BDP1: variants seen among roughly 807,000 people sequenced by gnomAD.
BDP1 encodes BDP1 general transcription factor IIIB subunit, also known as transcription factor TFIIIB component B'' homolog.
BDP1 carries 169 observed loss-of-function variants against 266.6 expected under a neutral mutation model. That is an observed-to-expected ratio of 0.63 (90% CI 0.56 to 0.72). BDP1 has a LOEUF of 0.72. BDP1 is among the 30% of genes least tolerant of loss of function. The pLI is 0.00. For missense variants in BDP1, 3,015 were observed against 3,053.8 expected (o/e 0.99, Z 0.30); for synonymous variants, 1,090 against 1,022.4 (o/e 1.07, Z -1.26).
intron 35 of BDP1, among the ~76,000 whole-genome samples, chr5:71,555,947 A>G (rs1743189934): frequency 6.6e-6 from 1 of 151,950 alleles, no homozygotes; most frequent in Non-Finnish European, 1.5e-5. Context: ...AGATTAACTT[A>G]GGGGAAATTG....
intron 16 of BDP1, among the ~76,000 whole-genome samples, chr5:71,506,824 C>CACACACACACA (rs1764615685): frequency 1.5e-5 from 1 of 65,680 alleles, no homozygotes. Context: ...CACACACACA[C>CACACACACACA]CCATATTTTT....
chr5:71,476,373 G>A lies in BDP1; in HGVS notation c.1014+5884G>A, dbSNP rs371967514. The A allele has an allele frequency of 9.8e-5, 15 of 152,318 alleles. 1 individual carries two copies. Among genetic ancestry groups the A allele is most frequent in the African/African-American group, 3.6e-4 (15 of 41,584 alleles). The allele number at this position is 152,318 out of a possible 1,614,324, so 9.4% of individuals were successfully genotyped here. On this transcript the variant is annotated intron_variant, in intron 7 of 38. Coordinates refer to ENST00000358731, the MANE Select transcript of BDP1 (RefSeq NM_018429.3). ...AGGGATACAGATGAAGAGATTCATA[G>A]AGTACGGTCTGGAAGGGTCTTGAAT...
Position 71,512,361 on chromosome 5 carries a change from G to GATAAAACAGAAGTCC in BDP1, c.4182_4196dup (p.Val1398_Gln1399insHisLysThrGluVal). 6.3e-7 allele frequency: 1 copy of GATAAAACAGAAGTCC among 1,596,064 alleles called. No individual in the cohort carries two copies. The highest frequency in any genetic ancestry group is 1.2e-5 in the South Asian group (1 of 86,818). On this transcript the variant is annotated inframe_insertion, in exon 18 of 39. Coordinates refer to ENST00000358731, the MANE Select transcript of BDP1 (RefSeq NM_018429.3). The stretch of plus-strand genomic sequence containing the variant: ...GATTTCTTCACAGACTCATGAATCT[G>GATAAAACAGAAGTCC]ATAAAACAGAAGTCCAGGGGATTCA...
intron 6 of BDP1, among the ~76,000 whole-genome samples, 154 bp from the exon 7 acceptor site, chr5:71,470,241 T>C (rs1351698998): frequency 1.3e-5 from 2 of 152,226 alleles, no homozygotes; most frequent in Non-Finnish European, 2.9e-5. Flanking sequence ...CGATTTCTTA[T>C]ACTGAAAAGT....
chr5:71,523,750 A>T (rs1422772220), intron 24 of BDP1, among the ~76,000 whole-genome samples, 189 bp from the exon 25 acceptor site: 1 of 152,232 alleles, frequency 6.6e-6, no homozygotes, highest in African/African-American at 2.4e-5. Context: ...GATAACTAAG[A>T]ATTAACTCTG....
rs1329171648 is a variant in BDP1, at chr5:71,553,226, G to C, written c.7106G>C (p.Arg2369Thr). The change falls in exon 35 of 39, where the codon AGA becomes ACA. Residue 2369 changes from arginine to threonine, a missense_variant. Physicochemically the swap from Arg to Thr is moderately conservative, Grantham distance 71. This residue lies in a region of BDP1 where 629 missense variants were observed against 632.5 expected (regional missense o/e 0.99). Coordinates refer to ENST00000358731, the MANE Select transcript of BDP1 (RefSeq NM_018429.3). ...PDNLDLVSRK[R>T]FQCRLDKNDH... ...AATTTGGATCTTGTATCTAGGAAGA[G>C]ATTTCAATGCAGGCTTGATAAAAAT... is the stretch of plus-strand genomic sequence containing the variant. 1.2e-6 allele frequency: 2 copies of C among 1,613,298 alleles called. No homozygotes were observed. The highest frequency in any genetic ancestry group is 1.7e-6 in the Non-Finnish European group (2 of 1,179,954).
intron 25 of BDP1, among the ~76,000 whole-genome samples, chr5:71,528,840 A>G (rs1766063033): frequency 1.3e-5 from 2 of 152,232 alleles, no homozygotes; most frequent in Admixed American, 6.5e-5. Flanking sequence ...TTGTGGAAAG[A>G]TATCTGGTTA....
At chr5:71,534,615 T>A (rs1484321278) in intron 26 of BDP1, among the ~76,000 whole-genome samples, 1 of 152,142 alleles carries the variant, frequency 6.6e-6, no homozygotes, top group African/African-American at 2.4e-5. Context: ...TTCTCCTGCC[T>A]CAGCTTCCCA....
chr5:71,557,375 A>ATTTT (rs55810132), intron 36 of BDP1, among the ~76,000 whole-genome samples: 5,791 of 102,868 alleles, frequency 0.056, 905 homozygotes, highest in Non-Finnish European at 0.065. Flanking sequence ...TGCCAAGCTA[A>ATTTT]TTTTTTTTTT....
chr5:71,560,327 G>A (rs1310116356), intron 37 of BDP1, 90 bp downstream of exon 37: 18 of 1,342,038 alleles, frequency 1.3e-5, no homozygotes, highest in Non-Finnish European at 1.8e-5. Flanking sequence ...TACTAAGGAT[G>A]GTGTTTAATA....
Position 71,474,368 on chromosome 5 carries a change from G to A in BDP1, c.1014+3879G>A, listed in dbSNP as rs563026677. Among the ~76,000 whole-genome samples the A allele has an allele frequency of 2.5e-4, 38 of 151,556 alleles. No homozygotes were observed. The South Asian group carries it at 8.0e-3, about 32-fold the overall frequency. ...GAGACAGTCTTGCTCTGTTGTCCAG[G>A]CTGGAGTGCAATGGCATGATCTTGG... On this transcript the variant is annotated intron_variant, in intron 7 of 38. Transcript: ENST00000358731.
chr5:71,531,758 C>G (rs891694701), intron 25 of BDP1, among the ~76,000 whole-genome samples: 1 of 152,270 alleles, frequency 6.6e-6, no homozygotes, highest in South Asian at 2.1e-4. Context: ...ATCCACCTGC[C>G]TCGGCCTCCC....
In BDP1 at chr5:71,561,487, T is replaced by C. The variant is rs116237892; in HGVS notation, c.7497-787T>C. ...CAGTGTTCTAGAACGGAAGTCAGCA[T>C]TTTTTGTAAAATGGCATTTGTATAT... On this transcript the variant is annotated intron_variant, in intron 37 of 38. Transcript: ENST00000358731. 9.9e-3 allele frequency among the ~76,000 whole-genome samples: 1,506 copies of C among 152,342 alleles called. 29 individuals are homozygous for C. The highest frequency in any genetic ancestry group is 0.034 in the African/African-American group (1,417 of 41,572).
In BDP1 at chr5:71,553,170, T is replaced by C; in HGVS notation, c.7050T>C (p.Ser2350=). The C allele has an allele frequency of 1.2e-6, 2 of 1,613,256 alleles. No homozygotes were observed. The highest frequency in any genetic ancestry group is 1.3e-5 in the African/African-American group (1 of 75,022). Residue 2350 remains serine (S), a synonymous_variant, in exon 35 of 39, where the codon TCT becomes TCC. Transcript: ENST00000358731. Reference sequence around the variant, plus strand: ...AAGATGCCATGGGTTTATCTATTTCTGGAAGAGATAATTCTAAAAAGCCGC... The same window carrying C: ...AAGATGCCATGGGTTTATCTATTTCCGGAAGAGATAATTCTAAAAAGCCGC... ...VGQDAMGLSI[S]GRDNSKKPPD...
At chr5:71,508,756 A>G (rs1439013236) in intron 16 of BDP1, among the ~76,000 whole-genome samples, 1 of 152,132 alleles carries the variant, frequency 6.6e-6, no homozygotes, top group African/African-American at 2.4e-5. Flanking sequence ...TGATTTTACC[A>G]TCTATTATAA....
intron 25 of BDP1, among the ~76,000 whole-genome samples, chr5:71,528,123 G>A (rs989454717): frequency 1.3e-5 from 2 of 151,864 alleles, no homozygotes; most frequent in African/African-American, 2.4e-5. Context: ...ACCCGGCCTC[G>A]ATCTTATGTT....
At chr5:71,484,272 A>G (rs529142938) in intron 8 of BDP1, among the ~76,000 whole-genome samples, 1 of 152,320 alleles carries the variant, frequency 6.6e-6, no homozygotes, top group South Asian at 2.1e-4. Context: ...TCAGTCATTC[A>G]GTCAATAACA....
In BDP1 at chr5:71,544,522, A is replaced by G; in HGVS notation, c.6563+15A>G. The G allele has an allele frequency of 6.3e-7, 1 of 1,599,988 alleles. No individual in the cohort carries two copies. The highest frequency in any genetic ancestry group is 8.5e-7 in the Non-Finnish European group (1 of 1,175,670). On this transcript the variant is annotated intron_variant, in intron 31 of 38. Transcript: ENST00000358731. ...CTAACTGAAAGGTAAAAGAGTGAAG[A>G]GGTTCTGAGATTCAGTTTATATTGT...
intron 25 of BDP1, among the ~76,000 whole-genome samples, chr5:71,525,678 G>A (rs528689257): frequency 7.1e-5 from 8 of 111,994 alleles, no homozygotes; most frequent in African/African-American, 2.4e-4. Flanking sequence ...TGGCTGGCCG[G>A]GCGGGGGGCT....
Sources: gnomAD v4.1 joint callset for allele counts (sites outside exome capture counted in the v4.1 genomes callset) on GRCh38, gnomAD v4.1.1 for gene constraint, gnomAD v4.1.1 regional missense constraint, MANE v1.5 for transcripts, NCBI Gene and HGNC (gene_info 2026-07-23, HGNC 2026-07-21) for gene names.